Variants in CTNNA2 observed in about 807,000 individuals in gnomAD.
The protein encoded by CTNNA2 is catenin alpha 2.
In CTNNA2, 42 loss-of-function variants were observed where a neutral mutation model predicts 101.0. That is an observed-to-expected ratio of 0.42 (90% confidence interval 0.32 to 0.54). The LOEUF is 0.54. Among genes scored for constraint, CTNNA2 ranks in the 20% least tolerant of loss-of-function variants. The pLI is 0.14. For synonymous variants in CTNNA2, 450 were observed against 456.4 expected (o/e 0.99, Z 0.18); for missense variants, 871 against 1,223.1 (o/e 0.71, Z 4.29).
chr2:80,370,255 TGTG>T (rs2149332060), intron 7 of CTNNA2, among the ~76,000 whole-genome samples: 1 of 144,696 alleles, frequency 6.9e-6, no homozygotes, highest in East Asian at 2.0e-4. Context: ...ATTTGAGTGG[TGTG>T]TGTGTGTGTG....
intron 7 of CTNNA2, among the ~76,000 whole-genome samples, chr2:80,347,109 A>C (rs1672807687): frequency 6.6e-6 from 1 of 151,888 alleles, no homozygotes; most frequent in African/African-American, 2.4e-5. Context: ...AGATAAACCA[A>C]GCTTTGTGCT....
intron 9 of CTNNA2, among the ~76,000 whole-genome samples, chr2:80,517,443 G>A (rs1328193809): frequency 6.6e-6 from 1 of 152,200 alleles, no homozygotes; most frequent in Non-Finnish European, 1.5e-5. Context: ...CTGCTGCCAT[G>A]GAGGAAGTAT....
intron 6 of CTNNA2, among the ~76,000 whole-genome samples, chr2:79,880,438 A>G (rs754034757): frequency 6.6e-6 from 1 of 152,116 alleles, no homozygotes; most frequent in Admixed American, 6.5e-5. Context: ...CTGTGAATCC[A>G]TCTGGTCCTG....
intron 7 of CTNNA2, among the ~76,000 whole-genome samples, chr2:80,066,257 A>C (rs1697979618): frequency 6.6e-6 from 1 of 152,232 alleles, no homozygotes; most frequent in Admixed American, 6.5e-5. Flanking sequence ...CAGCAAACGA[A>C]ACAAGCAACA....
intron 9 of CTNNA2, among the ~76,000 whole-genome samples, chr2:80,506,595 A>T (rs759339127): frequency 5.3e-5 from 8 of 152,182 alleles, no homozygotes; most frequent in African/African-American, 1.9e-4. Flanking sequence ...GTCAGGGCAG[A>T]GTTAAAGATA....
intron 4 of CTNNA2, among the ~76,000 whole-genome samples, chr2:79,428,361 C>T (rs1678614328): frequency 6.6e-6 from 1 of 151,984 alleles, no homozygotes; most frequent in South Asian, 2.1e-4. Context: ...GCTCCACTCA[C>T]CTGTAGGTAT....
chr2:80,052,784 C>T (rs1052071824), intron 7 of CTNNA2, among the ~76,000 whole-genome samples: 7 of 152,154 alleles, frequency 4.6e-5, no homozygotes, highest in Non-Finnish European at 8.8e-5. Context: ...AAGAAATGAA[C>T]AGTTTGCTCT....
intron 7 of CTNNA2, among the ~76,000 whole-genome samples, chr2:79,934,322 A>G (rs1424912305): frequency 6.6e-6 from 1 of 152,248 alleles, no homozygotes; most frequent in Non-Finnish European, 1.5e-5. Context: ...TTACTTTTGC[A>G]CCAATCTAAT....
intron 2 of CTNNA2, among the ~76,000 whole-genome samples, chr2:79,242,115 C>T (rs1003199505): frequency 2.0e-5 from 3 of 151,964 alleles, no homozygotes; most frequent in Non-Finnish European, 4.4e-5. Context: ...ACTGTGTTAG[C>T]CAGGATGGTC....
At chr2:80,418,475 A>G (rs1036565761) in intron 8 of CTNNA2, among the ~76,000 whole-genome samples, 1 of 152,194 alleles carries the variant, frequency 6.6e-6, no homozygotes, top group East Asian at 1.9e-4. Context: ...AATGTCAGAC[A>G]CAATTCAGAG....
intron 1 of CTNNA2, among the ~76,000 whole-genome samples, chr2:79,617,138 G>A (rs13028824): frequency 3.3e-5 from 5 of 151,904 alleles, no homozygotes; most frequent in Non-Finnish European, 7.4e-5. Flanking sequence ...TCCTGACCTC[G>A]TGATCCGCCC....
In CTNNA2 at chr2:80,303,911, C is replaced by CG. The variant is rs1206791876; in HGVS notation, c.1057-89295dup. The CG allele has an allele frequency of 5.1e-6, 7 of 1,383,914 alleles. No individual in the cohort carries two copies. The highest frequency in any genetic ancestry group is 6.6e-6 in the Non-Finnish European group (7 of 1,058,714). The allele number at this position is 1,383,914 out of a possible 1,614,324, so 85.7% of individuals were successfully genotyped here. Reference sequence around the variant, plus strand: ...ATATTTTATTCCGAGGGAGGGGAAGCGGGGGAGGGGGAGAAAAGGGCAAAA... The same window carrying CG: ...ATATTTTATTCCGAGGGAGGGGAAGCGGGGGGAGGGGGAGAAAAGGGCAAAA... On this transcript the variant is annotated intron_variant, in intron 7 of 18. Coordinates refer to ENST00000402739, the MANE Select transcript of CTNNA2 (RefSeq NM_001282597.3). This position sits in a 1 kb window ranked among gnomAD's most constrained non-coding sequence, Gnocchi z 7.7.
chr2:79,422,196 G>A (rs1294174889), intron 4 of CTNNA2, among the ~76,000 whole-genome samples: 2 of 151,946 alleles, frequency 1.3e-5, no homozygotes, highest in African/African-American at 4.8e-5. Flanking sequence ...TGTGCTATAG[G>A]TGTGCATGCA....
chr2:80,153,581 T>C (rs77463125), intron 7 of CTNNA2, among the ~76,000 whole-genome samples: 2,910 of 152,304 alleles, frequency 0.019, 89 homozygotes, highest in African/African-American at 0.065. Flanking sequence ...TCTTCCTCAC[T>C]GCTCCTTCTT....
At position 79,651,596 on chromosome 2, in the gene CTNNA2, C is replaced by A; in HGVS notation, c.40C>A (p.Pro14Thr). Residue 14 changes from proline to threonine, a missense_variant, in exon 2 of 19, where the codon CCC becomes ACC. By Grantham distance (38) the Pro-to-Thr change is conservative (BLOSUM62 -1). Transcript: ENST00000402739. The part of the protein sequence containing the change: ...ATSPIILKWD[P>T]KSLEIRTLTV... Reference sequence around the variant, plus strand: ...TTCACCTATCATTCTGAAATGGGACCCCAAAAGTTTGGAAATCCGGACGCT... The same window carrying A: ...TTCACCTATCATTCTGAAATGGGACACCAAAAGTTTGGAAATCCGGACGCT... 6.2e-7 allele frequency: 1 copy of A among 1,613,794 alleles called. No individual in the cohort carries two copies. The highest frequency in any genetic ancestry group is 1.1e-5 in the South Asian group (1 of 91,070).
intron 6 of CTNNA2, among the ~76,000 whole-genome samples, chr2:79,888,519 T>A (rs1431290548): frequency 6.6e-6 from 1 of 152,218 alleles, no homozygotes; most frequent in African/African-American, 2.4e-5. Flanking sequence ...CAAAACAATT[T>A]ACTTTTCTCT....
chr2:79,870,001 A>G (rs758787928), intron 5 of CTNNA2, 66 bp downstream of exon 5: 22 of 1,565,114 alleles, frequency 1.4e-5, no homozygotes, highest in Non-Finnish European at 1.9e-5. Flanking sequence ...GTAGCTTTTT[A>G]GGCCTGAACA....
intron 3 of CTNNA2, among the ~76,000 whole-genome samples, chr2:79,824,639 CT>C (rs1442529132): frequency 5.1e-5 from 7 of 136,648 alleles, no homozygotes; most frequent in African/African-American, 1.8e-4. Context: ...TCTAAATGAT[CT>C]TACACAAGAT....
chr2:79,795,268 G>A (rs1296778966), intron 3 of CTNNA2, among the ~76,000 whole-genome samples: 1 of 151,916 alleles, frequency 6.6e-6, no homozygotes, highest in Non-Finnish European at 1.5e-5. Flanking sequence ...CAGCAAAATT[G>A]TATATTATGT....
Sources: allele counts gnomAD v4.1 joint callset (sites outside exome capture counted in the v4.1 genomes callset), GRCh38; gene constraint gnomAD v4.1.1; non-coding constraint Gnocchi (gnomAD v3.1); transcripts MANE v1.5; gene names NCBI Gene and HGNC (gene_info 2026-07-23, HGNC 2026-07-21).